The following C8orf34 variants were observed in gnomAD, a reference collection of about 807,000 sequenced individuals.
C8orf34 encodes chromosome 8 open reading frame 34.
C8orf34 carries 65 observed loss-of-function variants against 68.3 expected under a neutral mutation model. The observed-to-expected ratio is 0.95, with a 90% CI of 0.78 to 1.17. C8orf34 has a LOEUF of 1.17. C8orf34 is among the 50% of genes most tolerant of loss of function. The pLI, the probability that C8orf34 is intolerant of heterozygous loss-of-function variation, is 0.00. For missense variants in C8orf34, 664 were observed against 655.4 expected, an observed-to-expected ratio of 1.01 and a Z score of -0.14; for synonymous variants, 244 against 241.2, an observed-to-expected ratio of 1.01 and a Z score of -0.11.
intron 4 of C8orf34, among the ~76,000 whole-genome samples, chr8:68,469,623 T>C (rs1030990536): frequency 1.3e-5 from 2 of 152,036 alleles, no homozygotes; most frequent in African/African-American, 4.8e-5. Flanking sequence ...ATTTTTTTGG[T>C]TCCCTTAAGT....
At chr8:68,710,013 C>T (rs1208249731) in intron 9 of C8orf34, among the ~76,000 whole-genome samples, 1 of 152,094 alleles carries the variant, frequency 6.6e-6, no homozygotes, top group Non-Finnish European at 1.5e-5. Context: ...AAAAAAACAT[C>T]TCCAGCCATA....
At chr8:68,636,007 C>G (rs1282780190) in intron 7 of C8orf34, among the ~76,000 whole-genome samples, 1 of 152,102 alleles carries the variant, frequency 6.6e-6, no homozygotes. Flanking sequence ...ACCAGAGACC[C>G]AAAGGCATGC....
intron 1 of C8orf34, among the ~76,000 whole-genome samples, chr8:68,428,454 A>G (rs187189367): frequency 3.9e-5 from 6 of 152,216 alleles, no homozygotes; most frequent in Non-Finnish European, 2.9e-5. Flanking sequence ...AAATCCTTAT[A>G]AAATCTGAGA....
intron 7 of C8orf34, among the ~76,000 whole-genome samples, chr8:68,550,801 C>A: frequency 6.6e-6 from 1 of 151,194 alleles, no homozygotes. Context: ...AGTGCTTTAA[C>A]TATTTCACCC....
In C8orf34 at chr8:68,589,506, CG is replaced by C. The variant is rs1817308341; in HGVS notation, c.1106-50869del. On this transcript the variant is annotated intron_variant, in intron 7 of 13. Coordinates refer to ENST00000518698, the MANE Select transcript of C8orf34 (RefSeq NM_052958.4). ...AGAAAGAAGAAAGAAAGAGAGAGAACGAGAGAGAGAAAGGGAGAGAGAGAAA... is the reference window on the plus strand; with the variant it reads ...AGAAAGAAGAAAGAAAGAGAGAGAACAGAGAGAGAAAGGGAGAGAGAGAAA... 2.2e-5 allele frequency among the ~76,000 whole-genome samples: 3 copies of C among 138,038 alleles called. No homozygotes were observed. The East Asian group carries it at 6.6e-4, about 31-fold the overall frequency. 90.6% of individuals were successfully genotyped at this position (138,038 alleles called of 152,430 possible).
At chr8:68,554,454 A>G (rs1586366273) in intron 7 of C8orf34, among the ~76,000 whole-genome samples, 1 of 152,302 alleles carries the variant, frequency 6.6e-6, no homozygotes, top group East Asian at 1.9e-4. Context: ...TAGTCAAAAG[A>G]AAGAAACTTG....
chr8:68,463,071 A>G (rs1474581615), intron 3 of C8orf34, among the ~76,000 whole-genome samples: 1 of 152,128 alleles, frequency 6.6e-6, no homozygotes, highest in Non-Finnish European at 1.5e-5. Context: ...AAAAGAGAGA[A>G]GAATCAAATA....
intron 7 of C8orf34, among the ~76,000 whole-genome samples, chr8:68,623,262 C>T (rs755022935): frequency 3.3e-5 from 5 of 152,138 alleles, no homozygotes; most frequent in African/African-American, 1.2e-4. Context: ...GTATTTTATT[C>T]GTATATAGTA....
At chr8:68,644,849 A>G (rs1563582156) in intron 8 of C8orf34, among the ~76,000 whole-genome samples, 2 of 152,224 alleles carry the variant, frequency 1.3e-5, no homozygotes, top group African/African-American at 2.4e-5. Context: ...GACTGCTTCA[A>G]TTAGAGAACT....
At chr8:68,553,166 A>G (rs140796301) in intron 7 of C8orf34, among the ~76,000 whole-genome samples, 1 of 151,896 alleles carries the variant, frequency 6.6e-6, no homozygotes, top group African/African-American at 2.4e-5. Flanking sequence ...CAGGCAGATC[A>G]TGAGGTCAGG....
chr8:68,624,271 CAA>C (rs35851704), intron 7 of C8orf34, among the ~76,000 whole-genome samples: 13 of 81,050 alleles, frequency 1.6e-4, no homozygotes, highest in Non-Finnish European at 1.9e-4. Context: ...GGCTCTGTCT[CAA>C]AAAAAAAAAA....
In C8orf34 at chr8:68,485,226, A is replaced by G. The variant is rs1813023554; in HGVS notation, c.737-2797A>G. On this transcript the variant is annotated intron_variant, in intron 4 of 13. Transcript: ENST00000518698. The stretch of plus-strand genomic sequence containing the variant: ...TGTGACACACATTTTGACTATTCAC[A>G]GGGCTTTTTTACTTACTTGCCAGTT... Among the ~76,000 whole-genome samples, 3 of 152,210 alleles carry G rather than the reference A, an allele frequency of 2.0e-5. No homozygotes were observed. The South Asian group carries it at 6.2e-4, about 32-fold the overall frequency.
intron 8 of C8orf34, among the ~76,000 whole-genome samples, chr8:68,643,158 C>T (rs1819062908): frequency 1.3e-5 from 2 of 152,192 alleles, no homozygotes; most frequent in African/African-American, 2.4e-5. Flanking sequence ...ATGAGAGACA[C>T]ATGGAGAACT....
rs1374657868 is a variant in C8orf34 at position 68,676,782 on chromosome 8, AAG to A, written c.1242-32208_1242-32207del. On this transcript the variant is annotated intron_variant, in intron 8 of 13. Coordinates refer to ENST00000518698, the MANE Select transcript of C8orf34 (RefSeq NM_052958.4). Reference sequence around the variant, plus strand: ...CTGAGACTAGGCAATTTACAAAAGAAAGAGATTTAACTGGACTCACAGTTCCA... The same window carrying A: ...CTGAGACTAGGCAATTTACAAAAGAAAGATTTAACTGGACTCACAGTTCCA... Among the ~76,000 whole-genome samples the A allele has an allele frequency of 3.3e-5, 5 of 152,236 alleles. No individual in the cohort carries two copies. In the East Asian group the frequency reaches 7.7e-4, roughly 23 times the overall value.
At chr8:68,358,951 G>A (rs1042544086) in intron 1 of C8orf34, among the ~76,000 whole-genome samples, 2 of 152,036 alleles carry the variant, frequency 1.3e-5, no homozygotes, top group South Asian at 2.1e-4. Context: ...CACCCACTTC[G>A]GCCTCCCAAA....
chr8:68,578,028 AT>A (rs1457638836), intron 7 of C8orf34, among the ~76,000 whole-genome samples: 1 of 151,876 alleles, frequency 6.6e-6, no homozygotes. Flanking sequence ...GATTTCATTT[AT>A]AATAAGTTAA....
At chr8:68,566,529 T>C (rs1816593971) in intron 7 of C8orf34, among the ~76,000 whole-genome samples, 1 of 152,190 alleles carries the variant, frequency 6.6e-6, no homozygotes, top group Non-Finnish European at 1.5e-5. Flanking sequence ...ACCTTTCTAT[T>C]ATGGAGATGG....
chr8:68,694,386 T>C (rs1820768507), intron 8 of C8orf34, among the ~76,000 whole-genome samples: 1 of 152,094 alleles, frequency 6.6e-6, no homozygotes, highest in Admixed American at 6.6e-5. Flanking sequence ...ATAGATAAAA[T>C]AATCATAGAA....
intron 4 of C8orf34, among the ~76,000 whole-genome samples, chr8:68,481,784 C>A (rs1429401673): frequency 6.6e-6 from 1 of 152,194 alleles, no homozygotes; most frequent in African/African-American, 2.4e-5. Flanking sequence ...TACCCCAATA[C>A]CTGTACCCCC....
Sources: allele counts gnomAD v4.1 joint callset (sites outside exome capture counted in the v4.1 genomes callset), GRCh38; gene constraint gnomAD v4.1.1; transcripts MANE v1.5; gene names NCBI Gene and HGNC (gene_info 2026-07-23, HGNC 2026-07-21).